Variants in AMDHD1 observed in about 807,000 individuals in gnomAD.
AMDHD1 encodes probable imidazolonepropionase.
AMDHD1 carries 45 observed loss-of-function variants against 44.1 expected under a neutral mutation model. The observed-to-expected ratio is 1.02, with a 90% CI of 0.80 to 1.31. The LOEUF (loss-of-function observed/expected upper bound fraction) is 1.31, where lower values mean the gene tolerates loss of function less well. Ranked by LOEUF, AMDHD1 falls within the 50% of genes most tolerant of loss-of-function variation. AMDHD1 has a pLI of 0.00. For synonymous variants in AMDHD1, 206 were observed against 205.0 expected (o/e 1.00, Z -0.04); for missense variants, 586 against 552.1 (o/e 1.06, Z -0.61).
chr12:95,953,508 A>T (rs1261634173), intron 2 of AMDHD1, among the ~76,000 whole-genome samples: 1 of 151,928 alleles, frequency 6.6e-6, no homozygotes, highest in African/African-American at 2.4e-5. Context: ...TCATATTTAT[A>T]TTTTTTTATA....
intron 1 of AMDHD1, among the ~76,000 whole-genome samples, chr12:95,949,835 C>T (rs1483449272): frequency 1.3e-5 from 2 of 151,990 alleles, no homozygotes; most frequent in Non-Finnish European, 2.9e-5. Context: ...TGTTGGTTTC[C>T]TTCAATAACT....
intron 4 of AMDHD1, among the ~76,000 whole-genome samples, chr12:95,959,328 G>A (rs12307599): frequency 0.015 from 2,229 of 152,294 alleles, 53 homozygotes; most frequent in African/African-American, 0.05. Context: ...ATGTGGTAGA[G>A]CTCTGTGTCT....
At chr12:95,951,549 A>G (rs552448746) in intron 1 of AMDHD1, among the ~76,000 whole-genome samples, 1 of 152,320 alleles carries the variant, frequency 6.6e-6, no homozygotes, top group South Asian at 2.1e-4. Context: ...TGCAATTAAC[A>G]TGGGATGCAG....
chr12:95,962,333 CCT>C lies in AMDHD1; in HGVS notation c.814-17_814-16del. 6.3e-7 allele frequency: 1 copy of C among 1,597,188 alleles called. No homozygotes were observed. ...GTTGTTGCTATTTGTTAAATCTTTCCCTCTCTGCCCATTCTCCTTAGCTTGGG... is the reference window on the plus strand; with the variant it reads ...GTTGTTGCTATTTGTTAAATCTTTCCCTCTGCCCATTCTCCTTAGCTTGGG... On this transcript the variant is annotated intron_variant, in intron 5 of 8. Coordinates refer to ENST00000266736, the MANE Select transcript of AMDHD1 (RefSeq NM_152435.3).
rs2080476591 is a variant in AMDHD1 at position 95,943,555 on chromosome 12, G to A, written c.137+20G>A. 1.4e-6 allele frequency: 2 copies of A among 1,428,528 alleles called. No homozygotes were observed. Among genetic ancestry groups the A allele is most frequent in the East Asian group, 5.9e-5 (2 of 33,892 alleles). The allele number at this position is 1,428,528 out of a possible 1,614,324, so 88.5% of individuals were successfully genotyped here. On this transcript the variant is annotated intron_variant, in intron 1 of 8. Transcript: ENST00000266736. Reference sequence around the variant, plus strand: ...GGGCAAGTAAGTGGCCGGGCGCGCAGGGTGGGGACCGCCACGGGCGGAGCT... The same window carrying A: ...GGGCAAGTAAGTGGCCGGGCGCGCAAGGTGGGGACCGCCACGGGCGGAGCT...
chr12:95,965,481 C>T (rs1412385120), intron 6 of AMDHD1, among the ~76,000 whole-genome samples: 4 of 152,154 alleles, frequency 2.6e-5, no homozygotes, highest in Admixed American at 6.5e-5. Flanking sequence ...TTAGTCATAT[C>T]TAAGTAACTG....
chr12:95,958,442 G>A (rs1304990403), intron 4 of AMDHD1, among the ~76,000 whole-genome samples: 1 of 152,048 alleles, frequency 6.6e-6, no homozygotes, highest in Non-Finnish European at 1.5e-5. Context: ...TAAGTTTTTA[G>A]CATTTATATT....
chr12:95,966,358 T>C lies in AMDHD1; in HGVS notation c.1043T>C (p.Met348Thr), dbSNP rs372012329. 6.2e-7 allele frequency: 1 copy of C among 1,614,170 alleles called. No homozygotes were observed. The highest frequency in any genetic ancestry group is 8.5e-7 in the Non-Finnish European group (1 of 1,180,034). The stretch of plus-strand genomic sequence containing the variant: ...CTCTTCCTGCCTTAGCCAATGGTCA[T>C]GCATCTGGCCTGTGTAAACATGAGA... ...NAYCFSMPMVMHLACVNMRMS... is the reference protein window; with the variant it reads ...NAYCFSMPMVTHLACVNMRMS... Residue 348 changes from methionine (M) to threonine (T), a missense_variant, in exon 8 of 9, where the codon ATG becomes ACG. Physicochemically the swap from Met to Thr is moderately conservative, Grantham distance 81. Transcript: ENST00000266736.
chr12:95,959,713 A>G (rs2080570090), intron 4 of AMDHD1, among the ~76,000 whole-genome samples: 1 of 151,312 alleles, frequency 6.6e-6, no homozygotes, highest in East Asian at 1.9e-4. Flanking sequence ...AGCTGGACTC[A>G]GGTAAGGGGA....
In AMDHD1 at chr12:95,954,577, TAAAATA is replaced by T. The variant is rs1414000865; in HGVS notation, c.245-330_245-325del. 3.6e-3 allele frequency among the ~76,000 whole-genome samples: 251 copies of T among 70,694 alleles called. 1 individual carries two copies. Among genetic ancestry groups the T allele is most frequent in the Middle Eastern group, 0.017 (2 of 118 alleles). 46.4% of individuals were successfully genotyped at this position (70,694 alleles called of 152,430 possible). On this transcript the variant is annotated intron_variant, in intron 2 of 8. Coordinates refer to ENST00000266736, the MANE Select transcript of AMDHD1 (RefSeq NM_152435.3). ...AGTGAGAACCTTTCTCAAAAATAAA[TAAAATA>T]AAATAAAATAAAATAAAATAAAATA...
chr12:95,966,201 G>T, intron 7 of AMDHD1, 147 bp from the exon 8 acceptor site: 1 of 802,058 alleles, frequency 1.2e-6, no homozygotes, highest in Non-Finnish European at 1.9e-6. Context: ...GAATCTTTAT[G>T]TATAAACTTA....
At chr12:95,949,651 A>G (rs376152617) in intron 1 of AMDHD1, among the ~76,000 whole-genome samples, 1 of 152,238 alleles carries the variant, frequency 6.6e-6, no homozygotes, top group South Asian at 2.1e-4. Context: ...ATGTTTTCCT[A>G]TGCAAATAGA....
intron 6 of AMDHD1, among the ~76,000 whole-genome samples, chr12:95,963,627 A>C (rs1200599788): frequency 6.6e-6 from 1 of 152,258 alleles, no homozygotes; most frequent in Non-Finnish European, 1.5e-5. Context: ...GGTTCTTGGT[A>C]TGACCAACGT....
In AMDHD1 at chr12:95,956,937, T is replaced by C. The variant is rs752022171; in HGVS notation, c.562T>C (p.Tyr188His). 6.2e-6 allele frequency: 10 copies of C among 1,612,324 alleles called. No individual in the cohort carries two copies. Among genetic ancestry groups the C allele is most frequent in the Non-Finnish European group, 6.8e-6 (8 of 1,179,926 alleles). ...RELDIGISAT[Y>H]CGAHSVPKGK... ...GCTGGACATCGGCATCTCGGCTACC[T>C]ACTGCGGGGCTCATTCAGTGCCTAA... The change falls in exon 4 of 9, where the codon TAC becomes CAC. Residue 188 changes from tyrosine (Y) to histidine (H), a missense_variant. Tyr to His is a moderately conservative substitution (Grantham distance 83). Coordinates refer to ENST00000266736, the MANE Select transcript of AMDHD1 (RefSeq NM_152435.3).
intron 1 of AMDHD1, among the ~76,000 whole-genome samples, chr12:95,944,294 G>A (rs1209215486): frequency 1.3e-5 from 2 of 151,878 alleles, no homozygotes; most frequent in Non-Finnish European, 2.9e-5. Context: ...TTGTGCAAGA[G>A]CCCAGCTTTT....
At chr12:95,967,692 TAAAG>T (rs2080618185) in intron 8 of AMDHD1, 60 bp from the exon 9 acceptor site, 1 of 1,239,358 alleles carries the variant, frequency 8.1e-7, no homozygotes, top group Admixed American at 2.6e-5. Context: ...CATTTATTGA[TAAAG>T]TAATAATTTT....
At chr12:95,954,573 T>TAAATAAAATA (rs71435789) in intron 2 of AMDHD1, among the ~76,000 whole-genome samples, 15,570 of 147,070 alleles carry the variant, frequency 0.11, 1,132 homozygotes, top group Non-Finnish European at 0.16. Context: ...TTCTCAAAAA[T>TAAATAAAATA]AAATAAAATA....
At position 95,962,355 on chromosome 12, in the gene AMDHD1, C is replaced by A; in HGVS notation, c.814C>A (p.Leu272Ile). 1 of 1,612,962 alleles carries A rather than the reference C, an allele frequency of 6.2e-7. No individual in the cohort carries two copies. Among genetic ancestry groups the A allele is most frequent in the Non-Finnish European group, 8.5e-7 (1 of 1,179,274 alleles). ...TTCCCTCTCTGCCCATTCTCCTTAGCTTGGGGCTGAACTGGGAGCGCAGGC... is the reference window on the plus strand; with the variant it reads ...TTCCCTCTCTGCCCATTCTCCTTAGATTGGGGCTGAACTGGGAGCGCAGGC... Reference protein sequence around the residue: ...DELHPMKAAELGAELGAQAIS... With the variant: ...DELHPMKAAEIGAELGAQAIS... Residue 272 changes from leucine (L) to isoleucine (I), a missense_variant and splice_region_variant, in exon 6 of 9, where the codon CTT becomes ATT. By Grantham distance (5) the Leu-to-Ile change is conservative. Coordinates refer to ENST00000266736, the MANE Select transcript of AMDHD1 (RefSeq NM_152435.3).
chr12:95,965,920 A>G, intron 7 of AMDHD1, 141 bp downstream of exon 7: 2 of 607,042 alleles, frequency 3.3e-6, no homozygotes, highest in Non-Finnish European at 5.4e-6. Flanking sequence ...AGGGGTAGAC[A>G]GCAGTGTAAT....
Sources: allele counts gnomAD v4.1 joint callset (sites outside exome capture counted in the v4.1 genomes callset), GRCh38; gene constraint gnomAD v4.1.1; transcripts MANE v1.5; gene names NCBI Gene and HGNC (gene_info 2026-07-23, HGNC 2026-07-21).